CFDP1: variants seen among roughly 807,000 people sequenced by gnomAD.
The protein encoded by CFDP1 is heterochromatin-stabilizing protein CFDP1.
Under a neutral mutation model 40.1 loss-of-function variants are expected in CFDP1, and 31 were observed. The observed-to-expected ratio is 0.77, with a 90% confidence interval of 0.58 to 1.04. CFDP1 has a LOEUF of 1.04. Among genes scored for constraint, CFDP1 ranks in the 50% least tolerant of loss-of-function variants. The pLI, the probability that CFDP1 is intolerant of heterozygous loss-of-function variation, is 0.00. For synonymous variants in CFDP1, 167 were observed against 120.0 expected, an observed-to-expected ratio of 1.39 and a Z score of -2.56; for missense variants, 423 against 343.4, an observed-to-expected ratio of 1.23 and a Z score of -1.83.
chr16:75,315,505 G>A (rs1477679534), intron 5 of CFDP1, among the ~76,000 whole-genome samples: 1 of 152,032 alleles, frequency 6.6e-6, no homozygotes, highest in East Asian at 1.9e-4. Flanking sequence ...GAAGGGTTAT[G>A]TACAAGAATT....
At chr16:75,345,919 G>T (rs2078559906) in intron 5 of CFDP1, among the ~76,000 whole-genome samples, 1 of 152,204 alleles carries the variant, frequency 6.6e-6, no homozygotes, top group African/African-American at 2.4e-5. Context: ...ACTAAGCTGA[G>T]GCTGCACCAG....
intron 4 of CFDP1, among the ~76,000 whole-genome samples, chr16:75,408,918 T>A (rs926473741): frequency 2.0e-5 from 3 of 151,696 alleles, no homozygotes; most frequent in African/African-American, 7.3e-5. Flanking sequence ...AGTGCAGTGG[T>A]ACGATCTCGG....
chr16:75,395,252 G>A (rs1174885885), intron 4 of CFDP1, 43 bp from the exon 5 acceptor site: 1 of 1,601,990 alleles, frequency 6.2e-7, no homozygotes, highest in South Asian at 1.1e-5. Flanking sequence ...GAAGAATAAA[G>A]AGAAAGAAAC....
At chr16:75,315,263 C>A (rs1353907145) in intron 5 of CFDP1, among the ~76,000 whole-genome samples, 2 of 121,048 alleles carry the variant, frequency 1.7e-5, no homozygotes, top group African/African-American at 6.3e-5. Flanking sequence ...GAACGGGAGG[C>A]GGAGGTTGCC....
chr16:75,373,402 T>C (rs1012492825), intron 5 of CFDP1, among the ~76,000 whole-genome samples: 1 of 152,192 alleles, frequency 6.6e-6, no homozygotes, highest in Non-Finnish European at 1.5e-5. Context: ...GGTTGTTTTG[T>C]ACTAAAAAAG....
chr16:75,302,801 T>A (rs758810322), intron 6 of CFDP1, among the ~76,000 whole-genome samples: 3 of 152,210 alleles, frequency 2.0e-5, no homozygotes, highest in Admixed American at 1.3e-4. Flanking sequence ...TCCGGAGTCT[T>A]CCCCTGATCA....
At chr16:75,429,479 CCCCGT>C (rs1223003466) in intron 1 of CFDP1, among the ~76,000 whole-genome samples, 6 of 152,146 alleles carry the variant, frequency 3.9e-5, no homozygotes, top group Non-Finnish European at 5.9e-5. Flanking sequence ...CATGGTGAAA[CCCCGT>C]CTCTACTAAA....
chr16:75,369,758 T>C (rs954014036), intron 5 of CFDP1, among the ~76,000 whole-genome samples: 3 of 152,128 alleles, frequency 2.0e-5, no homozygotes, highest in Non-Finnish European at 2.9e-5. Context: ...ACTTACTGTA[T>C]TTATTTGTTT....
chr16:75,423,639 C>A (rs548996876), intron 1 of CFDP1, among the ~76,000 whole-genome samples: 1 of 152,024 alleles, frequency 6.6e-6, no homozygotes, highest in East Asian at 1.9e-4. Context: ...TTCAGCCTCC[C>A]GAGCAGCTGG....
intron 5 of CFDP1, among the ~76,000 whole-genome samples, chr16:75,326,271 T>C (rs2078400282): frequency 1.3e-5 from 2 of 152,114 alleles, no homozygotes; most frequent in South Asian, 4.1e-4. Context: ...GGAGGGCTAG[T>C]TTTAAAGTCA....
intron 5 of CFDP1, among the ~76,000 whole-genome samples, chr16:75,361,829 T>TG (rs2078681421): frequency 6.6e-6 from 1 of 152,258 alleles, no homozygotes; most frequent in African/African-American, 2.4e-5. Context: ...TCTCAACGTC[T>TG]GTTTCCTCTT....
chr16:75,428,627 AAAT>A (rs2079370246), intron 1 of CFDP1, among the ~76,000 whole-genome samples: 1 of 151,794 alleles, frequency 6.6e-6, no homozygotes. Flanking sequence ...AAAAATAAAT[AAAT>A]AGAGAGAGAG....
chr16:75,413,356 C>T (rs1009920062), intron 2 of CFDP1, among the ~76,000 whole-genome samples: 2 of 152,080 alleles, frequency 1.3e-5, no homozygotes, highest in Admixed American at 6.6e-5. Context: ...AGAGATTCCA[C>T]TACCTTTTTT....
chr16:75,297,106 T>C (rs553536774), intron 6 of CFDP1, among the ~76,000 whole-genome samples: 4 of 151,692 alleles, frequency 2.6e-5, no homozygotes, highest in African/African-American at 7.2e-5. Flanking sequence ...AAAATAGCTA[T>C]GGGAGTTGTC....
intron 5 of CFDP1, among the ~76,000 whole-genome samples, chr16:75,371,158 G>A (rs1004990699): frequency 5.3e-5 from 8 of 152,142 alleles, no homozygotes; most frequent in African/African-American, 1.9e-4. Flanking sequence ...TTTGTTTCGA[G>A]CTGTCCTTTG....
chr16:75,379,251 G>A (rs2078831707), intron 5 of CFDP1, among the ~76,000 whole-genome samples: 2 of 150,178 alleles, frequency 1.3e-5, no homozygotes. Flanking sequence ...AAATGAAATT[G>A]AAAACATAAA....
intron 5 of CFDP1, among the ~76,000 whole-genome samples, chr16:75,338,872 C>T (rs780773430): frequency 2.6e-5 from 4 of 152,128 alleles, no homozygotes; most frequent in South Asian, 2.1e-4. Flanking sequence ...CATCCTCTTG[C>T]GTGTTACCAG....
chr16:75,432,633 T>C (rs1043438303), intron 1 of CFDP1, among the ~76,000 whole-genome samples: 2 of 152,140 alleles, frequency 1.3e-5, no homozygotes, highest in Admixed American at 1.3e-4. Flanking sequence ...TTGTTTCTTG[T>C]TTGTCTAGTC....
chr16:75,316,767 C>T (rs183006297), intron 5 of CFDP1, among the ~76,000 whole-genome samples: 2,347 of 151,956 alleles, frequency 0.015, 55 homozygotes, highest in African/African-American at 0.053. Context: ...GTCAGGAGTT[C>T]GAGACCAGCC....
Sources: gnomAD v4.1 joint callset for allele counts (sites outside exome capture counted in the v4.1 genomes callset) on GRCh38, gnomAD v4.1.1 for gene constraint, MANE v1.5 for transcripts, NCBI Gene and HGNC (gene_info 2026-07-23, HGNC 2026-07-21) for gene names.